Variants in TLN2 observed in about 807,000 individuals in gnomAD.
The protein encoded by TLN2 is talin 2, also known as talin-2.
In TLN2, 118 loss-of-function variants were observed where a neutral mutation model predicts 294.7. The observed-to-expected ratio is 0.40, with a 90% CI of 0.34 to 0.47. The LOEUF (loss-of-function observed/expected upper bound fraction) is 0.47. Ranked by LOEUF, TLN2 falls within the 20% of genes least tolerant of loss-of-function variation. The pLI is 0.84. For synonymous variants in TLN2, 1,431 were observed against 1,304.5 expected, an observed-to-expected ratio of 1.10 and a Z score of -2.09; for missense variants, 3,083 against 3,282.2, an observed-to-expected ratio of 0.94 and a Z score of 1.48.
At chr15:62,765,337 G>A (rs1290777808) in intron 40 of TLN2, among the ~76,000 whole-genome samples, 1 of 151,162 alleles carries the variant, frequency 6.6e-6, no homozygotes, top group Non-Finnish European at 1.5e-5. Flanking sequence ...TCTTTTTCCA[G>A]GGTTTTGTTT....
intron 2 of TLN2, among the ~76,000 whole-genome samples, chr15:62,595,464 G>A (rs879424874): frequency 2.7e-4 from 41 of 151,204 alleles, no homozygotes; most frequent in Non-Finnish European, 4.1e-4. Flanking sequence ...GTGAGGATGT[G>A]GAGAAAAGGG....
intron 1 of TLN2, among the ~76,000 whole-genome samples, chr15:62,478,455 G>T (rs917563730): frequency 1.3e-5 from 2 of 152,168 alleles, no homozygotes; most frequent in Non-Finnish European, 2.9e-5. Context: ...TCCTTGAGGT[G>T]GGGGAGAAAC....
At chr15:62,413,679 T>C (rs2033911245) in intron 1 of TLN2, among the ~76,000 whole-genome samples, 1 of 152,168 alleles carries the variant, frequency 6.6e-6, no homozygotes, top group African/African-American at 2.4e-5. Context: ...TAAAATTAAA[T>C]TGTAGAAAGG....
intron 1 of TLN2, among the ~76,000 whole-genome samples, chr15:62,443,302 T>C (rs2035646161): frequency 6.6e-6 from 1 of 152,254 alleles, no homozygotes; most frequent in Non-Finnish European, 1.5e-5. Flanking sequence ...TAGCAGTGTT[T>C]GGTTTTTGTG....
At chr15:62,531,269 C>T (rs1281656101) in intron 1 of TLN2, among the ~76,000 whole-genome samples, 1 of 152,144 alleles carries the variant, frequency 6.6e-6, no homozygotes, top group Non-Finnish European at 1.5e-5. Flanking sequence ...TCATTTGCAG[C>T]AACTTGGGTA....
intron 1 of TLN2, among the ~76,000 whole-genome samples, chr15:62,473,826 G>A (rs1027906853): frequency 1.3e-5 from 2 of 152,224 alleles, no homozygotes; most frequent in Admixed American, 1.3e-4. Flanking sequence ...GGGCATGGTG[G>A]CTCACGCCTG....
intron 1 of TLN2, among the ~76,000 whole-genome samples, chr15:62,504,175 T>C (rs1176473821): frequency 6.6e-6 from 1 of 152,196 alleles, no homozygotes; most frequent in Non-Finnish European, 1.5e-5. Context: ...CTGATAGGTC[T>C]CTCAAATAAA....
rs570807882 is a variant in TLN2, at chr15:62,836,265, C to G, written c.7374+192C>G. ...TGCCCCACCACGCTGCCATTCTCCT[C>G]GTGTGCCTTCTGGTCTCATGCCCTG... is the stretch of plus-strand genomic sequence containing the variant. On this transcript the variant is annotated intron_variant, in intron 57 of 58. Coordinates refer to ENST00000636159, the MANE Select transcript of TLN2 (RefSeq NM_015059.3). The G allele has an allele frequency of 5.9e-6, 5 of 843,194 alleles. No homozygotes were observed. In the Admixed American group the frequency reaches 1.2e-4, roughly 20 times the overall value. The allele number at this position is 843,194 out of a possible 1,614,324, so 52.2% of individuals were successfully genotyped here.
intron 1 of TLN2, among the ~76,000 whole-genome samples, chr15:62,422,310 C>T (rs2034457797): frequency 1.3e-5 from 2 of 150,948 alleles, no homozygotes; most frequent in East Asian, 2.0e-4. Context: ...AGGTGAATCA[C>T]CTAAGATGTT....
At chr15:62,519,222 A>G (rs1043639179) in intron 1 of TLN2, among the ~76,000 whole-genome samples, 4 of 152,108 alleles carry the variant, frequency 2.6e-5, no homozygotes, top group Admixed American at 6.5e-5. Context: ...TGTGCTTTTT[A>G]TATAAAAGGT....
At chr15:62,712,971 A>G (rs1392385509) in intron 22 of TLN2, among the ~76,000 whole-genome samples, 1 of 150,934 alleles carries the variant, frequency 6.6e-6, no homozygotes, top group East Asian at 1.9e-4. Context: ...TTCTATGCAT[A>G]TAAGATTCAT....
intron 22 of TLN2, among the ~76,000 whole-genome samples, chr15:62,715,312 C>T (rs2059696449): frequency 6.6e-6 from 1 of 151,992 alleles, no homozygotes; most frequent in Non-Finnish European, 1.5e-5. Flanking sequence ...AATCGGTGTG[C>T]TGTTCTTCCT....
intron 3 of TLN2, among the ~76,000 whole-genome samples, chr15:62,631,973 A>G (rs2049941779): frequency 6.6e-6 from 1 of 152,148 alleles, no homozygotes; most frequent in South Asian, 2.1e-4. Flanking sequence ...AGCTGTGGTG[A>G]TGTGCGAGCC....
chr15:62,541,869 A>G (rs1333791815), intron 1 of TLN2, among the ~76,000 whole-genome samples: 2 of 151,962 alleles, frequency 1.3e-5, no homozygotes, highest in Non-Finnish European at 2.9e-5. Flanking sequence ...GCCCTCGACT[A>G]TCAGTGACTG....
intron 1 of TLN2, among the ~76,000 whole-genome samples, chr15:62,576,776 C>G (rs1251573944): frequency 1.4e-5 from 2 of 147,648 alleles, no homozygotes; most frequent in African/African-American, 5.0e-5. Flanking sequence ...AGAGCAAGTA[C>G]GAGCTAAGTT....
At chr15:62,633,250 C>T (rs1432148369) in intron 3 of TLN2, among the ~76,000 whole-genome samples, 1 of 152,176 alleles carries the variant, frequency 6.6e-6, no homozygotes, top group Admixed American at 6.5e-5. Context: ...TATACATATG[C>T]ATATGCCTAT....
intron 2 of TLN2, among the ~76,000 whole-genome samples, chr15:62,606,589 A>T (rs1347883829): frequency 6.6e-6 from 1 of 152,190 alleles, no homozygotes; most frequent in Non-Finnish European, 1.5e-5. Context: ...TAACCCAAGT[A>T]TAAGGTCAGC....
At chr15:62,542,481 C>T (rs372251010) in intron 1 of TLN2, among the ~76,000 whole-genome samples, 2 of 152,192 alleles carry the variant, frequency 1.3e-5, no homozygotes, top group Non-Finnish European at 2.9e-5. Flanking sequence ...TGAGGCATCG[C>T]GCCCGGCCCC....
intron 1 of TLN2, among the ~76,000 whole-genome samples, chr15:62,550,381 A>G (rs1443626704): frequency 1.3e-5 from 2 of 152,208 alleles, no homozygotes; most frequent in African/African-American, 4.8e-5. Context: ...TTCAAGTGCA[A>G]TTCTTAGTCT....
Sources: allele counts gnomAD v4.1 joint callset (sites outside exome capture counted in the v4.1 genomes callset), GRCh38; gene constraint gnomAD v4.1.1; transcripts MANE v1.5; gene names NCBI Gene and HGNC (gene_info 2026-07-23, HGNC 2026-07-21).